AK5: variants seen among roughly 807,000 people sequenced by gnomAD.
AK5 encodes the protein adenylate kinase isoenzyme 5.
A neutral mutation model predicts 69.5 loss-of-function variants in AK5; 27 were observed. That is an observed-to-expected ratio of 0.39 (90% CI 0.29 to 0.54). AK5 has a LOEUF of 0.54. Among genes scored for constraint, AK5 ranks in the 20% least tolerant of loss-of-function variants. AK5 has a pLI of 0.71. For missense variants in AK5, 531 were observed against 700.4 expected, an observed-to-expected ratio of 0.76 and a Z score of 2.73; for synonymous variants, 260 against 244.4, an observed-to-expected ratio of 1.06 and a Z score of -0.60.
chr1:77,319,773 T>C (rs890016771), intron 5 of AK5, among the ~76,000 whole-genome samples: 1 of 152,228 alleles, frequency 6.6e-6, no homozygotes. Flanking sequence ...CTGGCTGTCA[T>C]ATATGTTGGA....
chr1:77,341,974 C>T (rs913992033), intron 6 of AK5, among the ~76,000 whole-genome samples: 1 of 152,126 alleles, frequency 6.6e-6, no homozygotes, highest in Admixed American at 6.5e-5. Flanking sequence ...TCTCAGCTTA[C>T]TGCAACCTCC....
Position 77,482,015 on chromosome 1 carries a change from A to G in AK5, c.1060-1302A>G, listed in dbSNP as rs193250945. ...GTACTTATATGGAAATTTCTCCAGGATACATTGATCAGAGAAAAAGCAAGT... is the reference window on the plus strand; with the variant it reads ...GTACTTATATGGAAATTTCTCCAGGGTACATTGATCAGAGAAAAAGCAAGT... On this transcript the variant is annotated intron_variant, in intron 8 of 13. Transcript: ENST00000354567. 2.5e-3 allele frequency among the ~76,000 whole-genome samples: 383 copies of G among 152,366 alleles called. 1 individual carries two copies. The highest frequency in any genetic ancestry group is 4.0e-3 in the Non-Finnish European group (272 of 68,036).
chr1:77,340,671 C>G (rs896045064), intron 6 of AK5, 103 bp downstream of exon 6: 62 of 1,073,722 alleles, frequency 5.8e-5, no homozygotes, highest in Non-Finnish European at 8.1e-5. Flanking sequence ...TAAAAAGTGG[C>G]TTTTGGGGGG....
At chr1:77,499,272 T>G (rs529678897) in intron 10 of AK5, among the ~76,000 whole-genome samples, 1 of 152,230 alleles carries the variant, frequency 6.6e-6, no homozygotes, top group African/African-American at 2.4e-5. Context: ...TTCAGGTGGT[T>G]AAGGCAAAAA....
chr1:77,348,925 A>G (rs1402696812), intron 6 of AK5, among the ~76,000 whole-genome samples: 1 of 152,212 alleles, frequency 6.6e-6, no homozygotes, highest in Non-Finnish European at 1.5e-5. Flanking sequence ...TAAGAAAATA[A>G]TACTTTTGGT....
At chr1:77,483,652 C>G (rs1655409788) in intron 9 of AK5, among the ~76,000 whole-genome samples, 1 of 152,158 alleles carries the variant, frequency 6.6e-6, no homozygotes, top group South Asian at 2.1e-4. Context: ...ATGCTTAACA[C>G]CAACTCCCCA....
chr1:77,382,334 T>C (rs1055808087), intron 6 of AK5, among the ~76,000 whole-genome samples: 2 of 151,530 alleles, frequency 1.3e-5, no homozygotes, highest in Non-Finnish European at 2.9e-5. Flanking sequence ...CCACTAAAGA[T>C]GTAAAACACT....
intron 5 of AK5, among the ~76,000 whole-genome samples, chr1:77,320,412 C>A (rs1441171472): frequency 1.3e-5 from 2 of 152,124 alleles, no homozygotes; most frequent in East Asian, 1.9e-4. Flanking sequence ...ACAAGAGACA[C>A]TTTTTAAACA....
chr1:77,558,500 A>T, intron 13 of AK5, 102 bp from the exon 14 acceptor site: 1 of 740,746 alleles, frequency 1.3e-6, no homozygotes, highest in Non-Finnish European at 2.2e-6. Flanking sequence ...GTGTTTTAAA[A>T]TTTTGCAGAG....
At chr1:77,433,190 A>G (rs944080753) in intron 8 of AK5, among the ~76,000 whole-genome samples, 2 of 152,220 alleles carry the variant, frequency 1.3e-5, no homozygotes, top group African/African-American at 4.8e-5. Context: ...GATCAGATCT[A>G]CAGGTAGAAG....
At chr1:77,462,347 A>ATG (rs1653896470) in intron 8 of AK5, among the ~76,000 whole-genome samples, 1 of 144,306 alleles carries the variant, frequency 6.9e-6, no homozygotes, top group Non-Finnish European at 1.5e-5. Flanking sequence ...ATGGATGGAT[A>ATG]GGTGAATAGG....
intron 10 of AK5, among the ~76,000 whole-genome samples, chr1:77,503,774 G>A (rs12567785): frequency 0.027 from 4,028 of 151,992 alleles, 171 homozygotes; most frequent in East Asian, 0.21. Context: ...GTGTGGTGGC[G>A]GGCGCCTGCA....
intron 13 of AK5, among the ~76,000 whole-genome samples, chr1:77,543,463 TTGAC>T (rs10587637): frequency 0.6 from 91,802 of 151,852 alleles, 30,453 homozygotes; most frequent in Non-Finnish European, 0.74. Flanking sequence ...AAATGACAGT[TTGAC>T]TGGACATAAT....
At chr1:77,435,424 G>A (rs1651894793) in intron 8 of AK5, among the ~76,000 whole-genome samples, 1 of 152,026 alleles carries the variant, frequency 6.6e-6, no homozygotes, top group Admixed American at 6.6e-5. Context: ...CTGAAGCCAG[G>A]GGATCACAGG....
At position 77,530,272 on chromosome 1, in the gene AK5, T is replaced by C. The variant is rs146797919; in HGVS notation, c.1429-5575T>C. Among the ~76,000 whole-genome samples, 847 of 152,306 alleles carry C rather than the reference T, an allele frequency of 5.6e-3. 6 individuals are homozygous for C. Among genetic ancestry groups the C allele is most frequent in the African/African-American group, 0.02 (815 of 41,554 alleles). On this transcript the variant is annotated intron_variant, in intron 12 of 13. Coordinates refer to ENST00000354567, the MANE Select transcript of AK5 (RefSeq NM_174858.3). ...CAGAACTTAGAGCTGCGTAATGGTG[T>C]GTGGGGGGAGAAGTTATATATCAAT...
chr1:77,302,096 C>T (rs1376588002), intron 5 of AK5, among the ~76,000 whole-genome samples: 3 of 152,064 alleles, frequency 2.0e-5, no homozygotes, highest in Non-Finnish European at 2.9e-5. Flanking sequence ...GACAGGGGCT[C>T]CCTGTGTTAC....
At position 77,367,610 on chromosome 1, in the gene AK5, A is replaced by ATATATATGTTAT. The variant is rs1557532968; in HGVS notation, c.891+27042_891+27043insTATATATGTTAT. Among the ~76,000 whole-genome samples the ATATATATGTTAT allele has an allele frequency of 1.6e-4, 9 of 55,432 alleles. 1 individual carries two copies. Among genetic ancestry groups the ATATATATGTTAT allele is most frequent in the African/African-American group, 5.5e-4 (5 of 9,048 alleles). 36.4% of individuals were successfully genotyped at this position (55,432 alleles called of 152,430 possible). A position where few individuals can be genotyped will look rare whatever the true frequency, so the allele number is the denominator to read the frequency against. ...TATGTTATATATGTAATATATATGT[A>ATATATATGTTAT]ATATATATGTTATATATGTAATATA... is the stretch of plus-strand genomic sequence containing the variant. On this transcript the variant is annotated intron_variant, in intron 6 of 13. Transcript: ENST00000354567.
intron 10 of AK5, among the ~76,000 whole-genome samples, chr1:77,486,628 G>A (rs374671853): frequency 7.9e-5 from 12 of 151,636 alleles, no homozygotes; most frequent in African/African-American, 2.9e-4. Flanking sequence ...AACCCGGGAG[G>A]CAGAGCTTGC....
At chr1:77,368,237 A>ATATATATATATATATATGT (rs1553140275) in intron 6 of AK5, among the ~76,000 whole-genome samples, 3 of 7,850 alleles carry the variant, frequency 3.8e-4, no homozygotes, top group African/African-American at 4.3e-4. Context: ...ATATATATAT[A>ATATATATATATATATATGT]TATATATATA....
Sources: allele counts gnomAD v4.1 joint callset (sites outside exome capture counted in the v4.1 genomes callset), GRCh38; gene constraint gnomAD v4.1.1; transcripts MANE v1.5; gene names NCBI Gene and HGNC (gene_info 2026-07-23, HGNC 2026-07-21).